RAD21: variants seen among roughly 807,000 people sequenced by gnomAD.
The protein encoded by RAD21 is double-strand-break repair protein rad21 homolog.
RAD21 carries 18 observed loss-of-function variants against 71.5 expected under a neutral mutation model. That is an observed-to-expected ratio of 0.25 (90% CI 0.17 to 0.37). The LOEUF (loss-of-function observed/expected upper bound fraction) is 0.37. RAD21 is among the 10% of genes least tolerant of loss of function. The pLI, the probability that RAD21 is intolerant of heterozygous loss-of-function variation, is 1.00. For synonymous variants in RAD21, 248 were observed against 254.0 expected (o/e 0.98, Z 0.22); for missense variants, 493 against 769.1 (o/e 0.64, Z 4.25).
rs1428567180 is a variant in RAD21, at chr8:116,846,681, G to A, written c.*819C>T. 5 of 223,088 alleles carry A rather than the reference G, an allele frequency of 2.2e-5. No homozygotes were observed. The highest frequency in any genetic ancestry group is 6.7e-5 in the African/African-American group (3 of 44,490). The allele number at this position is 223,088 out of a possible 1,614,324, so 13.8% of individuals were successfully genotyped here. A position where few individuals can be genotyped will look rare whatever the true frequency, so the allele number is the denominator to read the frequency against. On this transcript the variant is annotated 3_prime_UTR_variant, in exon 14 of 14. Transcript: ENST00000297338. ...CAGGGCAATTTCTGTTTTCATGATC[G>A]GAATACTCAAATATATCCAAACATC...
chr8:116,853,123 G>C (rs950993855), intron 9 of RAD21, among the ~76,000 whole-genome samples: 3 of 152,028 alleles, frequency 2.0e-5, no homozygotes, highest in Admixed American at 6.5e-5. Flanking sequence ...CTGTCGCCCA[G>C]GCTGGAGTGC....
chr8:116,861,772 C>T (rs935065270), intron 4 of RAD21, 69 bp downstream of exon 4: 2 of 1,107,638 alleles, frequency 1.8e-6, no homozygotes, highest in African/African-American at 1.6e-5. Context: ...GAAAACTATA[C>T]ATTTGGAAGC....
At chr8:116,873,948 C>T (rs1172285252) in intron 1 of RAD21, among the ~76,000 whole-genome samples, 2 of 152,244 alleles carry the variant, frequency 1.3e-5, no homozygotes, top group African/African-American at 4.8e-5. Context: ...AAAGAAGCAA[C>T]TTCCCTCCGT....
intron 1 of RAD21, 101 bp downstream of exon 1, chr8:116,874,509 GC>G (rs1812928526): frequency 4.1e-6 from 1 of 244,804 alleles, no homozygotes; most frequent in African/African-American, 2.4e-5. Context: ...CTTCTCCCTC[GC>G]CCTCCCGCCC....
At position 116,846,111 on chromosome 8, in the gene RAD21, G is replaced by A. The variant is rs14795; in HGVS notation, c.*1389C>T. 0.079 allele frequency: 18,279 copies of A among 230,390 alleles called. 1,483 individuals carry two copies. The highest frequency in any genetic ancestry group is 0.22 in the African/African-American group (9,965 of 45,198). The allele number at this position is 230,390 out of a possible 1,614,324, so 14.3% of individuals were successfully genotyped here. A position where few individuals can be genotyped will look rare whatever the true frequency, so the allele number is the denominator to read the frequency against. On this transcript the variant is annotated 3_prime_UTR_variant, in exon 14 of 14. Coordinates refer to ENST00000297338, the MANE Select transcript of RAD21 (RefSeq NM_006265.3). ...TTATCTACAATGTCTTTTTACAAAC[G>A]GGGAAAACTCCTTGGTTTACAGGCA...
intron 12 of RAD21, 86 bp downstream of exon 12, chr8:116,850,532 C>A: frequency 6.5e-7 from 1 of 1,538,368 alleles, no homozygotes; most frequent in Non-Finnish European, 8.8e-7. Context: ...TGATGCTCAG[C>A]ATCAATTAAG....
Position 116,851,995 on chromosome 8 carries a change from C to G in RAD21, c.1423G>C (p.Gly475Arg). 1.2e-6 allele frequency: 2 copies of G among 1,612,602 alleles called. No individual in the cohort carries two copies. The highest frequency in any genetic ancestry group is 1.7e-6 in the Non-Finnish European group (2 of 1,178,862). ...ATTTGTCCAGCTTTTCGCTTAACTC[C>G]CTGAGGTGGTGGTGGAGGCATAGCT... ...ESAMPPPPPQ[G>R]VKRKAGQIDP... Residue 475 changes from glycine to arginine, a missense_variant, in exon 11 of 14, where the codon GGA (glycine) becomes CGA (arginine). This residue lies in a region of RAD21 where 225 missense variants were observed against 218.3 expected (regional missense o/e 1.03). Coordinates refer to ENST00000297338, the MANE Select transcript of RAD21 (RefSeq NM_006265.3).
In RAD21 at chr8:116,847,911, T is replaced by C. The variant is rs536134739; in HGVS notation, c.1705-220A>G. ...TCACTCCCTGTGGCAATCAGTGAAT[T>C]CTTGCTCGTTAGTTAACACAAGAGC... On this transcript the variant is annotated intron_variant, in intron 13 of 13. Coordinates refer to ENST00000297338, the MANE Select transcript of RAD21 (RefSeq NM_006265.3). 2.6e-5 allele frequency among the ~76,000 whole-genome samples: 4 copies of C among 152,114 alleles called. No homozygotes were observed. The South Asian group carries it at 8.3e-4, about 32-fold the overall frequency.
At chr8:116,857,856 T>C (rs1812502384) in intron 5 of RAD21, among the ~76,000 whole-genome samples, 1 of 152,194 alleles carries the variant, frequency 6.6e-6, no homozygotes. Flanking sequence ...GTGCCTGTAG[T>C]CCCAGCTACT....
chr8:116,866,544 A>G (rs1242636509), intron 2 of RAD21, 42 bp downstream of exon 2: 10 of 1,562,832 alleles, frequency 6.4e-6, no homozygotes, highest in Non-Finnish European at 8.7e-6. Context: ...CATATCAATA[A>G]ACAATCAACA....
intron 1 of RAD21, among the ~76,000 whole-genome samples, chr8:116,869,890 A>G (rs1275530642): frequency 6.6e-6 from 1 of 152,210 alleles, no homozygotes; most frequent in East Asian, 1.9e-4. Context: ...TAAATCTTAA[A>G]GAATTTTGCT....
In RAD21 at chr8:116,854,472, G is replaced by A. The variant is rs1179135268; in HGVS notation, c.938-4C>T. 3 of 1,604,190 alleles carry A rather than the reference G, an allele frequency of 1.9e-6. No individual in the cohort carries two copies. Among genetic ancestry groups the A allele is most frequent in the South Asian group, 2.2e-5 (2 of 90,848 alleles). On this transcript the variant is annotated splice_polypyrimidine_tract_variant and splice_region_variant and intron_variant, in intron 8 of 13. Transcript: ENST00000297338. ...CTCTTGGCTTTTGTTTCTTTAACTG[G>A]AATGATAATAAAAAATAAGATCATT...
At chr8:116,872,326 A>T (rs1204982562) in intron 1 of RAD21, among the ~76,000 whole-genome samples, 1 of 152,182 alleles carries the variant, frequency 6.6e-6, no homozygotes, top group Non-Finnish European at 1.5e-5. Flanking sequence ...AGAATACAAC[A>T]TTTGTACTAA....
At chr8:116,856,400 A>G (rs1812467206) in intron 7 of RAD21, 112 bp from the exon 8 acceptor site, 3 of 1,323,576 alleles carry the variant, frequency 2.3e-6, no homozygotes, top group South Asian at 1.8e-5. Context: ...AAATCCTGTT[A>G]TTACTAAGAA....
rs1812361486 is a variant in RAD21 at position 116,852,084 on chromosome 8, A to G, written c.1334T>C (p.Ile445Thr). ...CTCCTGGAGGCGGCTTGGCTCTTCA[A>G]TAATGGGCTCATCTGCAATTGGTCA... ...QQRDVIDEPI[I>T]EEPSRLQESV... The change falls in exon 11 of 14, where the codon ATT becomes ACT. Residue 445 changes from isoleucine to threonine, a missense_variant. Physicochemically the swap from Ile to Thr is moderately conservative, Grantham distance 89 (BLOSUM62 -1). This residue lies in a region of RAD21 where 225 missense variants were observed against 218.3 expected (regional missense o/e 1.03). Coordinates refer to ENST00000297338, the MANE Select transcript of RAD21 (RefSeq NM_006265.3). 1.2e-6 allele frequency: 2 copies of G among 1,605,506 alleles called. No individual in the cohort carries two copies. Among genetic ancestry groups the G allele is most frequent in the South Asian group, 1.1e-5 (1 of 90,818 alleles).
At chr8:116,860,355 T>C (rs1246170172) in intron 4 of RAD21, among the ~76,000 whole-genome samples, 1 of 152,140 alleles carries the variant, frequency 6.6e-6, no homozygotes, top group Non-Finnish European at 1.5e-5. Context: ...TTGAAAGAAG[T>C]TCTACTGCGG....
chr8:116,858,221 C>G (rs1812512131), intron 5 of RAD21, 131 bp downstream of exon 5: 2 of 679,936 alleles, frequency 2.9e-6, no homozygotes, highest in African/African-American at 3.6e-5. Flanking sequence ...AAGCCAAATT[C>G]TTTTCTTGAT....
At chr8:116,849,565 C>G (rs947210887) in intron 12 of RAD21, 12 of 152,196 alleles carry the variant, frequency 7.9e-5, no homozygotes, top group African/African-American at 2.9e-4. Flanking sequence ...GGCTATACTC[C>G]TTATTATATA....
chr8:116,847,473 A>T lies in RAD21; in HGVS notation c.*27T>A. The T allele has an allele frequency of 6.4e-7, 1 of 1,564,192 alleles. No individual in the cohort carries two copies. Among genetic ancestry groups the T allele is most frequent in the South Asian group, 1.2e-5 (1 of 84,538 alleles). On this transcript the variant is annotated 3_prime_UTR_variant, in exon 14 of 14. Coordinates refer to ENST00000297338, the MANE Select transcript of RAD21 (RefSeq NM_006265.3). ...GCAATTTGTAAGCACTAGTGAATCAAACACTAGCTATAATGCTTCTAGCTC... is the reference window on the plus strand; with the variant it reads ...GCAATTTGTAAGCACTAGTGAATCATACACTAGCTATAATGCTTCTAGCTC...
Sources: gnomAD v4.1 joint callset for allele counts (sites outside exome capture counted in the v4.1 genomes callset) on GRCh38, gnomAD v4.1.1 for gene constraint, gnomAD v4.1.1 regional missense constraint, MANE v1.5 for transcripts, NCBI Gene and HGNC (gene_info 2026-07-23, HGNC 2026-07-21) for gene names.